Variants in RAI14 observed in about 807,000 individuals in gnomAD.
The protein encoded by RAI14 is retinoic acid induced 14, also known as ankycorbin.
In RAI14, 45 loss-of-function variants were observed where a neutral mutation model predicts 115.4. The ratio of observed to expected loss-of-function variants is 0.39; its 90% confidence interval spans 0.31 to 0.50. The LOEUF (loss-of-function observed/expected upper bound fraction) is 0.50, where lower values mean the gene tolerates loss of function less well. Among genes scored for constraint, RAI14 ranks in the 20% least tolerant of loss-of-function variants. The probability of loss-of-function intolerance (pLI) is 0.85; values close to 1 mark genes in which losing one functional copy is unlikely to be tolerated. For synonymous variants in RAI14, 371 were observed against 415.4 expected, an observed-to-expected ratio of 0.89 and a Z score of 1.30; for missense variants, 939 against 1,131.2, an observed-to-expected ratio of 0.83 and a Z score of 2.44.
chr5:34,762,689 C>A (rs1042481444), intron 3 of RAI14, among the ~76,000 whole-genome samples: 6 of 152,088 alleles, frequency 3.9e-5, no homozygotes, highest in African/African-American at 1.4e-4. Flanking sequence ...GTGCCTCTGC[C>A]CAGCTGTTCT....
chr5:34,765,160 T>A (rs1261980764), intron 3 of RAI14, among the ~76,000 whole-genome samples: 1 of 152,192 alleles, frequency 6.6e-6, no homozygotes, highest in Non-Finnish European at 1.5e-5. Context: ...CTTCCCAGTC[T>A]CAGATATGTC....
chr5:34,825,913 G>A (rs2150308438), intron 15 of RAI14: 1 of 152,812 alleles, frequency 6.5e-6, no homozygotes, highest in South Asian at 2.1e-4. Flanking sequence ...AGAGATATCA[G>A]GCTTCCTAGA....
chr5:34,670,596 T>G (rs1743545785), intron 1 of RAI14, among the ~76,000 whole-genome samples: 1 of 152,212 alleles, frequency 6.6e-6, no homozygotes, highest in South Asian at 2.1e-4. Context: ...GCCAACATGA[T>G]TATTCCTGCC....
chr5:34,732,387 T>TA (rs1744307052), intron 2 of RAI14, among the ~76,000 whole-genome samples: 1 of 152,076 alleles, frequency 6.6e-6, no homozygotes, highest in African/African-American at 2.4e-5. Flanking sequence ...AATCTTAACT[T>TA]ATACAGGTAC....
In RAI14 at chr5:34,811,124, C is replaced by A; in HGVS notation, c.557+6C>A. On this transcript the variant is annotated splice_donor_region_variant and intron_variant, in intron 8 of 17. Transcript: ENST00000265109. The stretch of plus-strand genomic sequence containing the variant: ...TCCAGGAACAAAAGTGGAAGGTACT[C>A]CAGAATTAGGCAGAAATCATGTGAC... 6.2e-7 allele frequency: 1 copy of A among 1,613,478 alleles called. No individual in the cohort carries two copies. The highest frequency in any genetic ancestry group is 8.5e-7 in the Non-Finnish European group (1 of 1,179,736).
Position 34,795,966 on chromosome 5 carries a change from C to G in RAI14, c.195C>G (p.His65Gln), listed in dbSNP as rs192426703. 6.2e-7 allele frequency: 1 copy of G among 1,612,884 alleles called. No homozygotes were observed. The highest frequency in any genetic ancestry group is 8.5e-7 in the Non-Finnish European group (1 of 1,179,138). The change falls in exon 4 of 18, where the codon CAC becomes CAG. Residue 65 changes from histidine to glutamine, a missense_variant. His to Gln is a conservative substitution (Grantham distance 24). Coordinates refer to ENST00000265109, the MANE Select transcript of RAI14 (RefSeq NM_015577.3). ...TAFHLAAAKG[H>Q]VECLRVMITH... ...TCCATCTTGCTGCTGCAAAAGGACA[C>G]GTGGAATGCCTCAGGGTCATGATTA...
chr5:34,702,661 A>C (rs1470117081), intron 2 of RAI14, among the ~76,000 whole-genome samples: 1 of 152,218 alleles, frequency 6.6e-6, no homozygotes, highest in East Asian at 1.9e-4. Context: ...CGGGTTGGCC[A>C]CTGTTATAAT....
At chr5:34,753,797 C>T (rs1012384184) in intron 2 of RAI14, among the ~76,000 whole-genome samples, 7 of 152,042 alleles carry the variant, frequency 4.6e-5, no homozygotes, top group African/African-American at 1.7e-4. Context: ...GCCTGTAGTC[C>T]CAGCTACTCG....
intron 2 of RAI14, among the ~76,000 whole-genome samples, chr5:34,718,833 C>T (rs999428586): frequency 6.6e-6 from 1 of 152,148 alleles, no homozygotes; most frequent in African/African-American, 2.4e-5. Context: ...TTTGTTGTAC[C>T]ATGAATAGTG....
At chr5:34,828,411 TAGAA>T (rs1410853703) in intron 16 of RAI14, among the ~76,000 whole-genome samples, 1 of 152,028 alleles carries the variant, frequency 6.6e-6, no homozygotes, top group Non-Finnish European at 1.5e-5. Context: ...GAGGCAGTGA[TAGAA>T]AGGAAGCCAG....
At chr5:34,804,871 A>AT (rs1250545314) in intron 5 of RAI14, among the ~76,000 whole-genome samples, 1 of 152,106 alleles carries the variant, frequency 6.6e-6, no homozygotes, top group Non-Finnish European at 1.5e-5. Context: ...CCCTACCTCA[A>AT]TTTTTAAGTA....
At chr5:34,657,958 T>G (rs892704932) in intron 1 of RAI14, among the ~76,000 whole-genome samples, 1 of 142,948 alleles carries the variant, frequency 7.0e-6, no homozygotes, top group Admixed American at 7.1e-5. Context: ...CAAGTGTGAT[T>G]TTTTTCCCCC....
intron 3 of RAI14, among the ~76,000 whole-genome samples, chr5:34,789,388 A>G (rs1289872291): frequency 6.6e-6 from 1 of 152,226 alleles, no homozygotes; most frequent in Non-Finnish European, 1.5e-5. Context: ...TCTGGTTCAC[A>G]TTCCGAGGCT....
At chr5:34,794,580 G>A (rs906888245) in intron 3 of RAI14, among the ~76,000 whole-genome samples, 8 of 152,198 alleles carry the variant, frequency 5.3e-5, no homozygotes. Flanking sequence ...CGTGAGTAGA[G>A]CCAGGTAAGC....
At chr5:34,782,138 G>A (rs377504512) in intron 3 of RAI14, among the ~76,000 whole-genome samples, 13 of 152,264 alleles carry the variant, frequency 8.5e-5, no homozygotes, top group African/African-American at 2.6e-4. Flanking sequence ...CCCTTATTTC[G>A]GTAAACCCAC....
rs1554039420 is a variant in RAI14 at position 34,681,859 on chromosome 5, T to TCTTTC, written c.-48-5013_-48-5012insCTTTC. The stretch of plus-strand genomic sequence containing the variant: ...TAACCTGGAATTTTCTTTCTTTCTT[T>TCTTTC]TTTTTTTTTTTTTGAGATGGAGTTT... On this transcript the variant is annotated intron_variant, in intron 1 of 17. Transcript: ENST00000265109. Among the ~76,000 whole-genome samples, 855 of 138,926 alleles carry TCTTTC rather than the reference T, an allele frequency of 6.2e-3. 10 individuals are homozygous for TCTTTC. Among genetic ancestry groups the TCTTTC allele is most frequent in the African/African-American group, 0.012 (454 of 37,542 alleles). The allele number at this position is 138,926 out of a possible 152,430, so 91.1% of individuals were successfully genotyped here. A position where few individuals can be genotyped will look rare whatever the true frequency, so the allele number is the denominator to read the frequency against.
intron 2 of RAI14, among the ~76,000 whole-genome samples, chr5:34,704,968 C>T (rs1465098730): frequency 6.6e-6 from 1 of 152,060 alleles, no homozygotes. Flanking sequence ...TTCTTTATTT[C>T]TTTCTTTTAG....
intron 2 of RAI14, among the ~76,000 whole-genome samples, chr5:34,724,520 G>A (rs1743205100): frequency 6.6e-6 from 1 of 152,158 alleles, no homozygotes. Flanking sequence ...GTGACAGGAA[G>A]CCATGGAGAA....
At chr5:34,755,136 C>T (rs1219537948) in intron 2 of RAI14, among the ~76,000 whole-genome samples, 1 of 152,120 alleles carries the variant, frequency 6.6e-6, no homozygotes, top group African/African-American at 2.4e-5. Context: ...GAATAAGCTG[C>T]ACTGTGTTTC....
Sources: allele counts gnomAD v4.1 joint callset (sites outside exome capture counted in the v4.1 genomes callset), GRCh38; gene constraint gnomAD v4.1.1; transcripts MANE v1.5; gene names NCBI Gene and HGNC (gene_info 2026-07-23, HGNC 2026-07-21).